Variants in CRACD observed in about 807,000 individuals in gnomAD.
CRACD encodes the protein capping protein inhibiting regulator of actin dynamics.
A neutral mutation model predicts 106.8 loss-of-function variants in CRACD; 56 were observed. The observed-to-expected ratio is 0.52, with a 90% CI of 0.42 to 0.66. CRACD has a LOEUF of 0.66. CRACD is among the 30% of genes least tolerant of loss of function. The probability of loss-of-function intolerance (pLI) is 0.00; values close to 1 mark genes in which losing one functional copy is unlikely to be tolerated. For missense variants in CRACD, 1,730 were observed against 1,623.2 expected, an observed-to-expected ratio of 1.07 and a Z score of -1.13; for synonymous variants, 754 against 670.8, an observed-to-expected ratio of 1.12 and a Z score of -1.92.
chr4:56,328,713 A>G lies in CRACD; in HGVS notation c.*909A>G. 1 of 175,024 alleles carries G rather than the reference A, an allele frequency of 5.7e-6. No homozygotes were observed. Among genetic ancestry groups the G allele is most frequent in the East Asian group, 1.5e-4 (1 of 6,536 alleles). 10.8% of individuals were successfully genotyped at this position (175,024 alleles called of 1,614,324 possible). On this transcript the variant is annotated 3_prime_UTR_variant, in exon 11 of 11. Coordinates refer to ENST00000682029, the MANE Select transcript of CRACD (RefSeq NM_001393381.1). ...AAAAACTCTTCAGGTCAGTTCTGAT[A>G]GATCCCAAAGGTTAAGAACTGTGAG...
intron 2 of CRACD, among the ~76,000 whole-genome samples, chr4:56,183,883 A>G (rs1318168259): frequency 2.6e-5 from 4 of 152,170 alleles, no homozygotes; most frequent in Non-Finnish European, 5.9e-5. Context: ...TTTTGTTTAC[A>G]TAGCCTTGTA....
intron 5 of CRACD, among the ~76,000 whole-genome samples, chr4:56,309,783 G>A (rs1462467634): frequency 6.6e-5 from 10 of 152,178 alleles, no homozygotes; most frequent in African/African-American, 2.4e-4. Context: ...GAAGCCAGGA[G>A]GCAGAGGTTG....
chr4:56,303,211 G>A (rs188543644), intron 4 of CRACD, among the ~76,000 whole-genome samples: 1 of 152,176 alleles, frequency 6.6e-6, no homozygotes, highest in Non-Finnish European at 1.5e-5. Flanking sequence ...AGGACGTGCA[G>A]GCATGTGCCT....
chr4:56,069,268 T>TA lies in CRACD; in HGVS notation c.-336+19970dup, dbSNP rs576959543. Among the ~76,000 whole-genome samples the TA allele has an allele frequency of 1.4e-4, 21 of 152,304 alleles. No individual in the cohort carries two copies. The South Asian group carries it at 3.9e-3, about 29-fold the overall frequency. On this transcript the variant is annotated intron_variant, in intron 1 of 10. Coordinates refer to ENST00000682029, the MANE Select transcript of CRACD (RefSeq NM_001393381.1). The stretch of plus-strand genomic sequence containing the variant: ...TGCAGCCCTAGGACACTAATACAGA[T>TA]ACCTGTTAGACATTGGCGTGTCCAT...
intron 1 of CRACD, among the ~76,000 whole-genome samples, chr4:56,105,302 C>A (rs1167670346): frequency 6.6e-6 from 1 of 152,118 alleles, no homozygotes; most frequent in African/African-American, 2.4e-5. Flanking sequence ...AGTTTGGGAC[C>A]AGCCTCGGCA....
At chr4:56,234,656 A>G (rs76559357) in intron 2 of CRACD, among the ~76,000 whole-genome samples, 3,557 of 152,314 alleles carry the variant, frequency 0.023, 134 homozygotes, top group African/African-American at 0.082. Flanking sequence ...AGAGTCAACC[A>G]AGAATGGTTA....
chr4:56,246,726 A>T (rs925146711), intron 2 of CRACD: 4 of 152,202 alleles, frequency 2.6e-5, no homozygotes, highest in African/African-American at 4.8e-5. Flanking sequence ...AGTGTATGGA[A>T]TGTAAAGAAA....
Position 56,315,203 on chromosome 4 carries a change from C to T in CRACD, c.1701C>T (p.Thr567=). 8 of 1,593,150 alleles carry T rather than the reference C, an allele frequency of 5.0e-6. No homozygotes were observed. The highest frequency in any genetic ancestry group is 6.0e-6 in the Non-Finnish European group (7 of 1,170,074). The change falls in exon 8 of 11, where the codon ACC becomes ACT. Residue 567 remains threonine, a synonymous_variant. Transcript: ENST00000682029. This position sits in a 1 kb window ranked among gnomAD's most constrained non-coding sequence, Gnocchi z 4.1. The part of the protein sequence containing the change: ...PVTPAKDTGL[T]AAPQEPKAPK... ...CGCCCGCAAAGGACACGGGGCTCAC[C>T]GCTGCTCCCCAGGAACCAAAGGCCC...
At chr4:56,221,168 A>G (rs1739009212) in intron 2 of CRACD, among the ~76,000 whole-genome samples, 1 of 152,166 alleles carries the variant, frequency 6.6e-6, no homozygotes, top group African/African-American at 2.4e-5. Context: ...ATTTTGAAGC[A>G]TGATCAGATC....
intron 1 of CRACD, among the ~76,000 whole-genome samples, chr4:56,153,691 T>A (rs1735666575): frequency 6.6e-6 from 1 of 152,222 alleles, no homozygotes; most frequent in African/African-American, 2.4e-5. Context: ...TCCCCCATGA[T>A]CTGACTTGTA....
chr4:56,291,283 G>A (rs1018628890), intron 3 of CRACD, among the ~76,000 whole-genome samples: 9 of 152,166 alleles, frequency 5.9e-5, no homozygotes, highest in Admixed American at 6.5e-5. Context: ...AATCAACTGC[G>A]AAAGGTCTTT....
intron 2 of CRACD, among the ~76,000 whole-genome samples, chr4:56,220,907 A>G (rs1246268407): frequency 6.6e-6 from 1 of 152,150 alleles, no homozygotes; most frequent in Non-Finnish European, 1.5e-5. Flanking sequence ...ATCTTGAAAG[A>G]TAGATAGAAA....
chr4:56,284,928 A>C (rs1743251535), intron 3 of CRACD, among the ~76,000 whole-genome samples: 1 of 152,204 alleles, frequency 6.6e-6, no homozygotes, highest in South Asian at 2.1e-4. Context: ...GGATCTCAAA[A>C]GATGGTGTAT....
intron 4 of CRACD, among the ~76,000 whole-genome samples, chr4:56,305,742 C>T (rs1417115135): frequency 1.3e-5 from 2 of 152,098 alleles, no homozygotes; most frequent in Non-Finnish European, 2.9e-5. Context: ...TGCTGGGGTC[C>T]CCAGGGGGCA....
rs763382073 is a variant in CRACD, at chr4:56,315,412, A to C, written c.1910A>C (p.Asn637Thr). The change falls in exon 8 of 11, where the codon AAC (asparagine) becomes ACC (threonine). Residue 637 changes from asparagine (N) to threonine (T), a missense_variant. By Grantham distance (65) the Asn-to-Thr change is moderately conservative. Transcript: ENST00000682029. This position sits in a 1 kb window ranked among gnomAD's most constrained non-coding sequence, Gnocchi z 4.1. ...KKHAEAPAGE[N>T]PPRGPGDARA... Reference sequence around the variant, plus strand: ...CACGCGGAAGCCCCAGCTGGGGAGAACCCTCCCCGAGGCCCCGGCGACGCG... The same window carrying C: ...CACGCGGAAGCCCCAGCTGGGGAGACCCCTCCCCGAGGCCCCGGCGACGCG... 28 of 1,612,394 alleles carry C rather than the reference A, an allele frequency of 1.7e-5. No homozygotes were observed. Among genetic ancestry groups the C allele is most frequent in the Non-Finnish European group, 2.3e-5 (27 of 1,179,624 alleles).
chr4:56,136,331 T>C (rs1227004087), intron 1 of CRACD, among the ~76,000 whole-genome samples: 1 of 152,224 alleles, frequency 6.6e-6, no homozygotes, highest in Non-Finnish European at 1.5e-5. Context: ...TTTAAAAAAC[T>C]GATAAACTGT....
At chr4:56,144,567 TA>T (rs1353607918) in intron 1 of CRACD, among the ~76,000 whole-genome samples, 2 of 152,198 alleles carry the variant, frequency 1.3e-5, no homozygotes, top group Non-Finnish European at 2.9e-5. Context: ...TTTTCCTGGT[TA>T]TTTTTTATTT....
intron 8 of CRACD, chr4:56,321,139 A>G: frequency 4.7e-6 from 1 of 213,530 alleles, no homozygotes; most frequent in South Asian, 8.2e-5. Flanking sequence ...GTATTGGTAG[A>G]TTTCTGCTGG....
At position 56,315,228 on chromosome 4, in the gene CRACD, C is replaced by T. The variant is rs1264524602; in HGVS notation, c.1726C>T (p.Pro576Ser). 1.3e-6 allele frequency: 2 copies of T among 1,596,484 alleles called. No homozygotes were observed. Among genetic ancestry groups the T allele is most frequent in the African/African-American group, 2.7e-5 (2 of 74,720 alleles). ...CGCTGCTCCCCAGGAACCAAAGGCC[C>T]CCAAAGCCAGCCCAGTCCAGCACGC... is the stretch of plus-strand genomic sequence containing the variant. ...LTAAPQEPKA[P>S]KASPVQHALP... is the part of the protein sequence containing the mutation. Residue 576 changes from proline to serine, a missense_variant, in exon 8 of 11, where the codon CCC (proline) becomes TCC (serine). By Grantham distance (74) the Pro-to-Ser change is moderately conservative. This residue lies in a region of CRACD where 1,620 missense variants were observed against 1,481.6 expected (regional missense o/e 1.09). Transcript: ENST00000682029. The surrounding 1 kb of genome is among the most constrained non-coding windows in gnomAD (Gnocchi z 4.1).
Sources: gnomAD v4.1 joint callset for allele counts (sites outside exome capture counted in the v4.1 genomes callset) on GRCh38, gnomAD v4.1.1 for gene constraint, gnomAD v4.1.1 regional missense constraint, Gnocchi (gnomAD v3.1) non-coding constraint, MANE v1.5 for transcripts, NCBI Gene and HGNC (gene_info 2026-07-23, HGNC 2026-07-21) for gene names.